ALK: variants seen among roughly 807,000 people sequenced by gnomAD.
The protein encoded by ALK is ALK receptor tyrosine kinase, also known as ALK tyrosine kinase receptor.
In ALK, 74 loss-of-function variants were observed where a neutral mutation model predicts 163.1. That is an observed-to-expected ratio of 0.45 (90% CI 0.38 to 0.55). The LOEUF (loss-of-function observed/expected upper bound fraction) is 0.55, where lower values mean the gene tolerates loss of function less well. ALK is among the 20% of genes least tolerant of loss of function. The pLI, the probability that ALK is intolerant of heterozygous loss-of-function variation, is 0.00. For synonymous variants in ALK, 960 were observed against 843.2 expected (o/e 1.14, Z -2.40); for missense variants, 2,063 against 2,105.3 (o/e 0.98, Z 0.39).
intron 4 of ALK, among the ~76,000 whole-genome samples, chr2:29,403,447 G>A (rs114798500): frequency 0.012 from 1,894 of 152,196 alleles, 37 homozygotes; most frequent in African/African-American, 0.043. Context: ...CTCCTGAAGA[G>A]GGTCTTTTTA....
chr2:29,778,150 C>A (rs1416223861), intron 1 of ALK, among the ~76,000 whole-genome samples: 1 of 152,150 alleles, frequency 6.6e-6, no homozygotes, highest in East Asian at 1.9e-4. Context: ...CTAGGAGAAA[C>A]CCCCTAAAAT....
intron 1 of ALK, among the ~76,000 whole-genome samples, chr2:29,733,541 G>A (rs1016955550): frequency 6.6e-6 from 1 of 152,190 alleles, no homozygotes; most frequent in Admixed American, 6.5e-5. Context: ...CTGTGACATG[G>A]GAATAATAGA....
chr2:29,198,782 A>T (rs1669086677), intron 26 of ALK, among the ~76,000 whole-genome samples: 1 of 152,150 alleles, frequency 6.6e-6, no homozygotes, highest in South Asian at 2.1e-4. Context: ...ACATGGTTGG[A>T]TGTTTTCCCA....
chr2:29,225,644 C>G, intron 18 of ALK, 79 bp from the exon 19 acceptor site: 1 of 1,216,310 alleles, frequency 8.2e-7, no homozygotes. Flanking sequence ...AAATAACCTC[C>G]CCCACTGAGA....
rs1320503195 is a variant in ALK, at chr2:29,920,953, C to T, written c.-294G>A. The T allele has an allele frequency of 2.0e-6, 1 of 494,388 alleles. No homozygotes were observed. Among genetic ancestry groups the T allele is most frequent in the South Asian group, 2.6e-5 (1 of 38,108 alleles). The allele number at this position is 494,388 out of a possible 1,614,324, so 30.6% of individuals were successfully genotyped here. Reference sequence around the variant, plus strand: ...CGCTCTCCGCGCCGAGTGCCGCGCCCCCGTCTGTAGCTCGCTGCGCTCGGT... The same window carrying T: ...CGCTCTCCGCGCCGAGTGCCGCGCCTCCGTCTGTAGCTCGCTGCGCTCGGT... On this transcript the variant is annotated 5_prime_UTR_variant, in exon 1 of 29. Coordinates refer to ENST00000389048, the MANE Select transcript of ALK (RefSeq NM_004304.5).
At chr2:29,810,380 C>T (rs754554012) in intron 1 of ALK, among the ~76,000 whole-genome samples, 35 of 149,682 alleles carry the variant, frequency 2.3e-4, no homozygotes, top group Non-Finnish European at 1.5e-4. Flanking sequence ...AGAGACTGTA[C>T]CATTTCACTC....
rs1320902731 is a variant in ALK, at chr2:29,631,363, A to G, written c.952+63487T>C. 3.9e-5 allele frequency among the ~76,000 whole-genome samples: 6 copies of G among 152,360 alleles called. No individual in the cohort carries two copies. In the East Asian group the frequency reaches 1.2e-3, roughly 29 times the overall value. On this transcript the variant is annotated intron_variant, in intron 3 of 28. Transcript: ENST00000389048. ...TGTTTCTAAACTCAAAACAGTTCAG[A>G]TCAATCAGGGGAATCTTGCTGACAT...
At chr2:29,286,795 AG>A (rs1292932402) in intron 9 of ALK, 5 of 152,192 alleles carry the variant, frequency 3.3e-5, no homozygotes, top group African/African-American at 1.2e-4. Flanking sequence ...TTGAGTTATG[AG>A]GCTTTGTGGA....
At chr2:29,362,724 T>C (rs1668414250) in intron 5 of ALK, among the ~76,000 whole-genome samples, 1 of 152,242 alleles carries the variant, frequency 6.6e-6, no homozygotes, top group Admixed American at 6.5e-5. Flanking sequence ...TTATCTGTCT[T>C]ATCCACTGTA....
intron 5 of ALK, among the ~76,000 whole-genome samples, chr2:29,330,706 G>C (rs1033681651): frequency 7.4e-5 from 11 of 148,500 alleles, no homozygotes; most frequent in South Asian, 2.1e-4. Context: ...TCTAGGGTTG[G>C]GGGGTATGGG....
chr2:29,902,189 T>C (rs945831459), intron 1 of ALK, among the ~76,000 whole-genome samples: 1 of 152,160 alleles, frequency 6.6e-6, no homozygotes, highest in Admixed American at 6.5e-5. Flanking sequence ...TCATCTCGGC[T>C]CCCCAGGTGC....
chr2:29,800,732 C>A (rs1410203742), intron 1 of ALK, among the ~76,000 whole-genome samples: 1 of 152,200 alleles, frequency 6.6e-6, no homozygotes, highest in African/African-American at 2.4e-5. Flanking sequence ...CCTCTGGGCT[C>A]AAATCTACCC....
At chr2:29,546,839 C>A (rs1673567974) in intron 3 of ALK, among the ~76,000 whole-genome samples, 1 of 152,124 alleles carries the variant, frequency 6.6e-6, no homozygotes, top group African/African-American at 2.4e-5. Context: ...CTCATAAAAT[C>A]TCAACCTTAT....
chr2:29,856,020 G>T (rs924959475), intron 1 of ALK, among the ~76,000 whole-genome samples: 2 of 152,116 alleles, frequency 1.3e-5, no homozygotes, highest in African/African-American at 4.8e-5. Context: ...CCTTGCAGAT[G>T]AAATATGCAT....
chr2:29,673,848 T>A (rs1677785940), intron 3 of ALK, among the ~76,000 whole-genome samples: 1 of 151,476 alleles, frequency 6.6e-6, no homozygotes, highest in South Asian at 2.1e-4. Flanking sequence ...TCCTCTTTTA[T>A]TTCCTTGAGC....
intron 9 of ALK, among the ~76,000 whole-genome samples, chr2:29,281,721 G>A (rs982101246): frequency 2.6e-5 from 4 of 152,160 alleles, no homozygotes; most frequent in Admixed American, 2.0e-4. Context: ...CAGACTCAGC[G>A]GGGATCTGGG....
intron 8 of ALK, among the ~76,000 whole-genome samples, chr2:29,298,016 C>T (rs925720430): frequency 6.6e-6 from 1 of 152,218 alleles, no homozygotes; most frequent in East Asian, 1.9e-4. Flanking sequence ...ATACCTGCTT[C>T]TTTGTAAATT....
At chr2:29,836,539 T>A (rs1665566347) in intron 1 of ALK, among the ~76,000 whole-genome samples, 1 of 152,222 alleles carries the variant, frequency 6.6e-6, no homozygotes, top group South Asian at 2.1e-4. Context: ...GAGCTAATTT[T>A]GTGGCCCCAT....
intron 1 of ALK, among the ~76,000 whole-genome samples, chr2:29,772,826 C>T (rs1302308919): frequency 6.6e-6 from 1 of 152,170 alleles, no homozygotes; most frequent in Admixed American, 6.5e-5. Flanking sequence ...TCAAGTGCCC[C>T]AGCCTCTTAC....
Sources: gnomAD v4.1 joint callset for allele counts (sites outside exome capture counted in the v4.1 genomes callset) on GRCh38, gnomAD v4.1.1 for gene constraint, MANE v1.5 for transcripts, NCBI Gene and HGNC (gene_info 2026-07-23, HGNC 2026-07-21) for gene names.